SOX5: variants seen among roughly 807,000 people sequenced by gnomAD.
SOX5 encodes transcription factor SOX-5.
In SOX5, 9 loss-of-function variants were observed where a neutral mutation model predicts 92.0. That is an observed-to-expected ratio of 0.10 (90% CI 0.06 to 0.17). The LOEUF (loss-of-function observed/expected upper bound fraction) is 0.17, where lower values mean the gene tolerates loss of function less well. Among genes scored for constraint, SOX5 ranks in the 10% least tolerant of loss-of-function variants. SOX5 has a pLI of 1.00. For missense variants in SOX5, 642 were observed against 944.5 expected (o/e 0.68, Z 4.20); for synonymous variants, 344 against 336.3 (o/e 1.02, Z -0.25).
chr12:24,199,987 T>C (rs1165272532), intron 4 of SOX5, among the ~76,000 whole-genome samples: 1 of 152,162 alleles, frequency 6.6e-6, no homozygotes. Context: ...AGATAAAGGA[T>C]ATTATTCATT....
chr12:24,342,008 T>C (rs753622062), intron 2 of SOX5, among the ~76,000 whole-genome samples: 4 of 152,244 alleles, frequency 2.6e-5, no homozygotes, highest in African/African-American at 9.6e-5. Context: ...TGACATAAGA[T>C]GTGCTTTCCT....
At chr12:24,443,336 A>G (rs1940949910) in intron 1 of SOX5, among the ~76,000 whole-genome samples, 1 of 152,350 alleles carries the variant, frequency 6.6e-6, no homozygotes, top group African/African-American at 2.4e-5. Flanking sequence ...AAAGATGGAC[A>G]TGAGATTACT....
At chr12:24,033,739 T>C (rs1185378437) in intron 4 of SOX5, among the ~76,000 whole-genome samples, 3 of 152,024 alleles carry the variant, frequency 2.0e-5, no homozygotes, top group Non-Finnish European at 2.9e-5. Context: ...AATCCGTCTG[T>C]AGGTAGAACA....
At chr12:24,380,782 C>A (rs558910474) in intron 1 of SOX5, among the ~76,000 whole-genome samples, 1 of 152,194 alleles carries the variant, frequency 6.6e-6, no homozygotes, top group East Asian at 1.9e-4. Context: ...CTGAGGAAAA[C>A]CAAAGAATTT....
intron 4 of SOX5, among the ~76,000 whole-genome samples, chr12:23,995,495 A>T (rs1950945307): frequency 6.6e-6 from 1 of 152,162 alleles, no homozygotes; most frequent in African/African-American, 2.4e-5. Context: ...CAGGAGCTTG[A>T]GACCAGCCTG....
chr12:24,511,697 G>T (rs576939542), intron 1 of SOX5, among the ~76,000 whole-genome samples: 7 of 151,964 alleles, frequency 4.6e-5, no homozygotes, highest in Non-Finnish European at 1.0e-4. Flanking sequence ...AGTGGCTCAC[G>T]TCTGTAATCC....
At chr12:23,802,405 G>A (rs1267062812) in intron 3 of SOX5, among the ~76,000 whole-genome samples, 1 of 152,006 alleles carries the variant, frequency 6.6e-6, no homozygotes, top group African/African-American at 2.4e-5. Context: ...AATCACATGA[G>A]ACCCAACTCA....
intron 1 of SOX5, among the ~76,000 whole-genome samples, chr12:23,900,282 C>T (rs2137914009): frequency 6.6e-6 from 1 of 152,268 alleles, no homozygotes; most frequent in Middle Eastern, 3.4e-3. Flanking sequence ...CTTCCCTTTA[C>T]TTCCCCTTGT....
intron 2 of SOX5, among the ~76,000 whole-genome samples, chr12:24,308,168 G>C (rs557850585): frequency 6.6e-6 from 1 of 152,174 alleles, no homozygotes; most frequent in Non-Finnish European, 1.5e-5. Flanking sequence ...CTGCTGGTAA[G>C]GGGAGAATGC....
intron 2 of SOX5, among the ~76,000 whole-genome samples, chr12:23,850,105 C>T (rs565181422): frequency 2.0e-5 from 3 of 152,164 alleles, no homozygotes; most frequent in African/African-American, 4.8e-5. Context: ...TAGTCATGTT[C>T]CTCTTCCAGC....
At chr12:24,416,295 A>G (rs1442524951) in intron 1 of SOX5, among the ~76,000 whole-genome samples, 2 of 152,196 alleles carry the variant, frequency 1.3e-5, no homozygotes, top group African/African-American at 4.8e-5. Context: ...ATGTCTCTCT[A>G]CTGAGAGATC....
chr12:24,464,747 T>C lies in SOX5; in HGVS notation c.-250-96108A>G, dbSNP rs534350511. Among the ~76,000 whole-genome samples, 4 of 152,340 alleles carry C rather than the reference T, an allele frequency of 2.6e-5. No individual in the cohort carries two copies. The South Asian group carries it at 8.3e-4, about 32-fold the overall frequency. On this transcript the variant is annotated intron_variant, in intron 1 of 4. Transcript: ENST00000446891. The stretch of plus-strand genomic sequence containing the variant: ...AGATAGAAACTAATAGTAGCCCCAC[T>C]TTCCAGATGAGGAAACTCAGGTATA...
At chr12:23,748,994 T>C (rs1185844157) in intron 4 of SOX5, among the ~76,000 whole-genome samples, 2 of 151,754 alleles carry the variant, frequency 1.3e-5, no homozygotes. Flanking sequence ...AAACTGAAAA[T>C]AACATGAATA....
intron 4 of SOX5, among the ~76,000 whole-genome samples, chr12:24,187,131 T>G (rs757844310): frequency 5.9e-5 from 9 of 152,192 alleles, no homozygotes; most frequent in Non-Finnish European, 1.0e-4. Flanking sequence ...CTCATGGATA[T>G]TCTACCTGGG....
At chr12:24,523,371 AG>A (rs1340125486) in intron 1 of SOX5, among the ~76,000 whole-genome samples, 3 of 152,222 alleles carry the variant, frequency 2.0e-5, no homozygotes, top group Non-Finnish European at 4.4e-5. Context: ...GCATATTTAC[AG>A]GGTTAGAAAA....
intron 2 of SOX5, among the ~76,000 whole-genome samples, chr12:23,881,652 T>G (rs2096991261): frequency 6.6e-6 from 1 of 152,228 alleles, no homozygotes; most frequent in South Asian, 2.1e-4. Flanking sequence ...TCAAAGCTTC[T>G]CTTACTAAGT....
intron 3 of SOX5, among the ~76,000 whole-genome samples, chr12:24,229,032 A>G (rs1295888377): frequency 6.6e-6 from 1 of 152,198 alleles, no homozygotes; most frequent in Non-Finnish European, 1.5e-5. Flanking sequence ...TCTCGTTTTA[A>G]AACTTACAAC....
intron 2 of SOX5, among the ~76,000 whole-genome samples, chr12:24,315,558 G>C (rs1024487709): frequency 6.6e-6 from 1 of 151,712 alleles, no homozygotes; most frequent in Admixed American, 6.6e-5. Flanking sequence ...CTTCTTCAAA[G>C]TTTCAAATTA....
At position 23,862,530 on chromosome 12, in the gene SOX5, G is replaced by A. The variant is rs74608127; in HGVS notation, c.271-16337C>T. 3.3e-3 allele frequency among the ~76,000 whole-genome samples: 504 copies of A among 152,262 alleles called. 2 individuals carry two copies. The highest frequency in any genetic ancestry group is 6.8e-3 in the Middle Eastern group (2 of 294). ...CTTTAAAAAACAGTGTATCTTAAAAGCAACTAATAAATCCACTTATGTTAA... is the reference window on the plus strand; with the variant it reads ...CTTTAAAAAACAGTGTATCTTAAAAACAACTAATAAATCCACTTATGTTAA... On this transcript the variant is annotated intron_variant, in intron 2 of 14. Coordinates refer to ENST00000451604, the MANE Select transcript of SOX5 (RefSeq NM_006940.6).
Sources: gnomAD v4.1 joint callset for allele counts (sites outside exome capture counted in the v4.1 genomes callset) on GRCh38, gnomAD v4.1.1 for gene constraint, MANE v1.5 for transcripts, NCBI Gene and HGNC (gene_info 2026-07-23, HGNC 2026-07-21) for gene names.